Variants in BCAS3 observed in about 807,000 individuals in gnomAD.
BCAS3 encodes BCAS4/BCAS3 fusion.
A neutral mutation model predicts 116.1 loss-of-function variants in BCAS3; 53 were observed. The observed-to-expected ratio is 0.46, with a 90% CI of 0.37 to 0.57. The LOEUF (loss-of-function observed/expected upper bound fraction) is 0.57. BCAS3 is among the 20% of genes least tolerant of loss of function. BCAS3 has a pLI of 0.00. For missense variants in BCAS3, 917 were observed against 1,165.4 expected, an observed-to-expected ratio of 0.79 and a Z score of 3.10; for synonymous variants, 391 against 408.2, an observed-to-expected ratio of 0.96 and a Z score of 0.51.
chr17:60,941,200 C>A (rs768020839), intron 13 of BCAS3, among the ~76,000 whole-genome samples: 1 of 152,180 alleles, frequency 6.6e-6, no homozygotes, highest in African/African-American at 2.4e-5. Flanking sequence ...TCTAGGCTTC[C>A]GCTTCCAGGC....
At chr17:60,895,501 A>G (rs1471226508) in intron 10 of BCAS3, among the ~76,000 whole-genome samples, 2 of 151,828 alleles carry the variant, frequency 1.3e-5, no homozygotes, top group African/African-American at 2.4e-5. Flanking sequence ...TGAAGAACCA[A>G]TTTTTTATTC....
intron 22 of BCAS3, among the ~76,000 whole-genome samples, chr17:61,267,116 GGT>G (rs1332490626): frequency 8.5e-4 from 129 of 152,272 alleles, no homozygotes; most frequent in Admixed American, 1.8e-3. Flanking sequence ...GGAGTGCAGT[GGT>G]GCGGTCTCGG....
In BCAS3 at chr17:61,228,281, A is replaced by G. The variant is rs749377527; in HGVS notation, c.2426-140046A>G. On this transcript the variant is annotated intron_variant, in intron 22 of 23. Coordinates refer to ENST00000407086, the MANE Select transcript of BCAS3 (RefSeq NM_017679.5). This position sits in a 1 kb window ranked among gnomAD's most constrained non-coding sequence, Gnocchi z 5.0. Reference sequence around the variant, plus strand: ...CAGCTGAGAAATTATGAAGGCGACTATAGACACATCAAAATCTATTACCAG... The same window carrying G: ...CAGCTGAGAAATTATGAAGGCGACTGTAGACACATCAAAATCTATTACCAG... 3.3e-5 allele frequency among the ~76,000 whole-genome samples: 5 copies of G among 152,198 alleles called. No individual in the cohort carries two copies. The highest frequency in any genetic ancestry group is 4.8e-5 in the African/African-American group (2 of 41,440).
At chr17:61,287,072 C>A (rs1244933829) in intron 22 of BCAS3, among the ~76,000 whole-genome samples, 1 of 151,802 alleles carries the variant, frequency 6.6e-6, no homozygotes, top group Non-Finnish European at 1.5e-5. Flanking sequence ...CACGGTGAAA[C>A]CCCGTCTCTA....
At chr17:61,108,411 A>G (rs1013866027) in intron 22 of BCAS3, among the ~76,000 whole-genome samples, 1 of 152,008 alleles carries the variant, frequency 6.6e-6, no homozygotes, top group South Asian at 2.1e-4. Context: ...TTTGTAGACC[A>G]TTTACATTGA....
At chr17:60,718,849 C>G (rs1357034817) in intron 5 of BCAS3, among the ~76,000 whole-genome samples, 1 of 152,048 alleles carries the variant, frequency 6.6e-6, no homozygotes, top group Admixed American at 6.6e-5. Context: ...ATCACGAGGC[C>G]AGGAGATCGA....
chr17:61,218,955 T>G (rs892252152), intron 22 of BCAS3, among the ~76,000 whole-genome samples: 4 of 152,206 alleles, frequency 2.6e-5, no homozygotes, highest in African/African-American at 7.2e-5. Flanking sequence ...GCTTCTAAAG[T>G]AATTAGAATT....
chr17:60,829,734 A>T (rs1378130475), intron 7 of BCAS3, among the ~76,000 whole-genome samples: 1 of 152,112 alleles, frequency 6.6e-6, no homozygotes, highest in Non-Finnish European at 1.5e-5. Context: ...ATATCTTGTT[A>T]GATATTTCCA....
chr17:61,071,373 A>G (rs543735933), intron 19 of BCAS3, among the ~76,000 whole-genome samples: 30 of 152,342 alleles, frequency 2.0e-4, no homozygotes, highest in African/African-American at 3.8e-4. Flanking sequence ...AGATTCTCCA[A>G]ACTTTTACTA....
chr17:60,890,315 G>A (rs912151574), intron 10 of BCAS3, among the ~76,000 whole-genome samples: 8 of 152,092 alleles, frequency 5.3e-5, no homozygotes, highest in African/African-American at 1.4e-4. Flanking sequence ...TTAGCCGGGC[G>A]TGGTGGCATG....
chr17:60,845,556 C>G (rs1327271899), intron 7 of BCAS3, among the ~76,000 whole-genome samples: 7 of 152,200 alleles, frequency 4.6e-5, no homozygotes, highest in Non-Finnish European at 1.0e-4. Flanking sequence ...CTGGTTTCTG[C>G]TTCATTCTAA....
chr17:60,763,469 T>G (rs2043757884), intron 6 of BCAS3, among the ~76,000 whole-genome samples: 1 of 152,168 alleles, frequency 6.6e-6, no homozygotes, highest in South Asian at 2.1e-4. Context: ...GGTTTTTGTC[T>G]TTGGTTCTGT....
intron 6 of BCAS3, among the ~76,000 whole-genome samples, chr17:60,766,960 G>C (rs1047245053): frequency 6.6e-6 from 1 of 152,212 alleles, no homozygotes; most frequent in Non-Finnish European, 1.5e-5. Flanking sequence ...TCGGACTGCT[G>C]CTCTAGCAGT....
Position 61,028,306 on chromosome 17 carries a change from A to G in BCAS3, c.1638-6360A>G, listed in dbSNP as rs2145578351. On this transcript the variant is annotated intron_variant, in intron 16 of 23. Transcript: ENST00000407086. This position sits in a 1 kb window ranked among gnomAD's most constrained non-coding sequence, Gnocchi z 4.3. ...AAATTATAATTAGACACAGTTTGCA[A>G]AACTATTCTAAACAAATTCAGGATA... is the stretch of plus-strand genomic sequence containing the variant. Among the ~76,000 whole-genome samples, 1 of 151,974 alleles carries G rather than the reference A, an allele frequency of 6.6e-6. No homozygotes were observed. The highest frequency in any genetic ancestry group is 2.4e-5 in the African/African-American group (1 of 41,542).
intron 19 of BCAS3, chr17:61,069,957 GAA>G (rs2071166168): frequency 6.4e-7 from 1 of 1,573,542 alleles, no homozygotes; most frequent in African/African-American, 1.3e-5. Flanking sequence ...AGGCAGTGTT[GAA>G]AGGTGTCCAC....
chr17:61,018,411 C>T (rs1056194750), intron 16 of BCAS3, among the ~76,000 whole-genome samples: 4 of 148,022 alleles, frequency 2.7e-5, no homozygotes, highest in Admixed American at 6.9e-5. Context: ...AAGTGATTCT[C>T]CTGCTTCAGC....
chr17:61,132,610 A>G lies in BCAS3; in HGVS notation c.2425+48046A>G, dbSNP rs886133328. On this transcript the variant is annotated intron_variant, in intron 22 of 23. Coordinates refer to ENST00000407086, the MANE Select transcript of BCAS3 (RefSeq NM_017679.5). This position sits in a 1 kb window ranked among gnomAD's most constrained non-coding sequence, Gnocchi z 5.1. ...TCAAAATGCCACATTCAGAATACTTAGAGAGGGAGAAAGATAAAGTGCCTT... is the reference window on the plus strand; with the variant it reads ...TCAAAATGCCACATTCAGAATACTTGGAGAGGGAGAAAGATAAAGTGCCTT... 3.9e-5 allele frequency among the ~76,000 whole-genome samples: 6 copies of G among 152,328 alleles called. No individual in the cohort carries two copies. Among genetic ancestry groups the G allele is most frequent in the African/African-American group, 1.4e-4 (6 of 41,578 alleles).
chr17:60,789,303 C>G (rs888519057), intron 6 of BCAS3, among the ~76,000 whole-genome samples: 6 of 152,064 alleles, frequency 3.9e-5, no homozygotes, highest in South Asian at 4.1e-4. Context: ...AGGCTGATTT[C>G]TGAGCTTAAA....
chr17:61,219,169 A>G lies in BCAS3; in HGVS notation c.2425+134605A>G, dbSNP rs2081970569. Reference sequence around the variant, plus strand: ...TCTGTAGCCTTTTTGAGAAGTGTTCACTCTTCTTATGGGGGACGAAGGTGA... The same window carrying G: ...TCTGTAGCCTTTTTGAGAAGTGTTCGCTCTTCTTATGGGGGACGAAGGTGA... On this transcript the variant is annotated intron_variant, in intron 22 of 23. Transcript: ENST00000407086. The surrounding 1 kb of genome is among the most constrained non-coding windows in gnomAD (Gnocchi z 5.2). Among the ~76,000 whole-genome samples, 1 of 152,102 alleles carries G rather than the reference A, an allele frequency of 6.6e-6. No individual in the cohort carries two copies.
Sources: allele counts gnomAD v4.1 joint callset (sites outside exome capture counted in the v4.1 genomes callset), GRCh38; gene constraint gnomAD v4.1.1; non-coding constraint Gnocchi (gnomAD v3.1); transcripts MANE v1.5; gene names NCBI Gene and HGNC (gene_info 2026-07-23, HGNC 2026-07-21).